The following KCNIP4 variants were observed in gnomAD, a reference collection of about 807,000 sequenced individuals.
The protein encoded by KCNIP4 is potassium voltage-gated channel interacting protein 4.
A neutral mutation model predicts 34.0 loss-of-function variants in KCNIP4; 12 were observed. The ratio of observed to expected loss-of-function variants is 0.35; its 90% CI spans 0.23 to 0.57. The LOEUF is 0.57. Among genes scored for constraint, KCNIP4 ranks in the 20% least tolerant of loss-of-function variants. KCNIP4 has a pLI of 0.83. For missense variants in KCNIP4, 238 were observed against 311.7 expected (o/e 0.76, Z 1.78); for synonymous variants, 124 against 102.2 (o/e 1.21, Z -1.29).
Position 21,778,224 on chromosome 4 carries a change from C to CTTTTTTTTTTTTTTTTTTTTTTTTTT in KCNIP4, c.61+170346_61+170347insAAAAAAAAAAAAAAAAAAAAAAAAAA, listed in dbSNP as rs757351209. On this transcript the variant is annotated intron_variant, in intron 1 of 8. Coordinates refer to ENST00000382152, the MANE Select transcript of KCNIP4 (RefSeq NM_025221.6). ...TTATTTGTTTCTTTTTCCTTTTTTCCTTTTTTTTTTTCTTTTTTTTTTTTT... is the reference window on the plus strand; with the variant it reads ...TTATTTGTTTCTTTTTCCTTTTTTCCTTTTTTTTTTTTTTTTTTTTTTTTTTTTTTTTTTTTTCTTTTTTTTTTTTT... 3.9e-5 allele frequency among the ~76,000 whole-genome samples: 4 copies of CTTTTTTTTTTTTTTTTTTTTTTTTTT among 102,390 alleles called. 1 individual carries two copies. The highest frequency in any genetic ancestry group is 2.3e-4 in the East Asian group (1 of 4,410). 67.2% of individuals were successfully genotyped at this position (102,390 alleles called of 152,430 possible). A position where few individuals can be genotyped will look rare whatever the true frequency, so the allele number is the denominator to read the frequency against.
intron 1 of KCNIP4, among the ~76,000 whole-genome samples, chr4:21,278,001 C>T (rs753448652): frequency 4.6e-5 from 7 of 151,910 alleles, no homozygotes; most frequent in African/African-American, 1.5e-4. Context: ...TTTAAAAAAT[C>T]GGAAGAAAAC....
At chr4:20,743,300 C>T (rs1751615623) in intron 5 of KCNIP4, among the ~76,000 whole-genome samples, 1 of 152,136 alleles carries the variant, frequency 6.6e-6, no homozygotes, top group Non-Finnish European at 1.5e-5. Flanking sequence ...AAAACAGAGC[C>T]CACATTGCCA....
chr4:21,477,991 G>T (rs1331840032), intron 1 of KCNIP4, among the ~76,000 whole-genome samples: 2 of 152,108 alleles, frequency 1.3e-5, no homozygotes, highest in African/African-American at 4.8e-5. Flanking sequence ...TATCTTCAAT[G>T]TATCTAGCCT....
In KCNIP4 at chr4:21,252,189, G is replaced by A. The variant is rs537629664; in HGVS notation, c.62-369480C>T. Among the ~76,000 whole-genome samples the A allele has an allele frequency of 1.5e-4, 22 of 148,652 alleles. 1 individual carries two copies. Among genetic ancestry groups the A allele is most frequent in the South Asian group, 4.3e-4 (2 of 4,676 alleles). On this transcript the variant is annotated intron_variant, in intron 1 of 8. Coordinates refer to ENST00000382152, the MANE Select transcript of KCNIP4 (RefSeq NM_025221.6). ...TGTTGCCAGGCTGGAGTGCAGTGGC[G>A]CAATCTCGGCTCACTGCAATCTCCG...
chr4:20,823,221 G>T (rs1277876556), intron 3 of KCNIP4, among the ~76,000 whole-genome samples: 2 of 152,160 alleles, frequency 1.3e-5, no homozygotes, highest in Non-Finnish European at 2.9e-5. Context: ...CTGTATGACT[G>T]GCGCATAGAA....
At chr4:21,357,009 AC>A (rs201619093) in intron 1 of KCNIP4, among the ~76,000 whole-genome samples, 1,600 of 152,090 alleles carry the variant, frequency 0.011, 28 homozygotes, top group African/African-American at 0.037. Flanking sequence ...CAGAAATAAC[AC>A]CACACATCTA....
chr4:21,342,207 G>A (rs1716825814), intron 1 of KCNIP4, among the ~76,000 whole-genome samples: 1 of 151,060 alleles, frequency 6.6e-6, no homozygotes, highest in South Asian at 2.1e-4. Context: ...GGATTCACCA[G>A]GACAGACCCA....
chr4:21,512,035 G>A (rs1029740547), intron 1 of KCNIP4, among the ~76,000 whole-genome samples: 2 of 149,996 alleles, frequency 1.3e-5, no homozygotes, highest in African/African-American at 2.5e-5. Context: ...GGAAGAGAAG[G>A]AAGGAGGGAA....
chr4:21,741,057 G>A (rs2109128256), intron 1 of KCNIP4, among the ~76,000 whole-genome samples: 1 of 152,086 alleles, frequency 6.6e-6, no homozygotes, highest in Non-Finnish European at 1.5e-5. Flanking sequence ...GCCCATGGTG[G>A]GCTTATTTTA....
chr4:20,913,167 G>T (rs1303789811), intron 1 of KCNIP4, among the ~76,000 whole-genome samples: 7 of 151,976 alleles, frequency 4.6e-5, no homozygotes, highest in East Asian at 1.9e-4. Flanking sequence ...ACAAAAGGTG[G>T]TTTTTTTCAG....
intron 3 of KCNIP4, among the ~76,000 whole-genome samples, chr4:20,823,061 A>C (rs1410497835): frequency 1.3e-5 from 2 of 152,172 alleles, no homozygotes; most frequent in African/African-American, 2.4e-5. Flanking sequence ...TCAACTTCCC[A>C]GCCTCTAGAA....
chr4:21,873,007 G>T (rs1386670376), intron 1 of KCNIP4, among the ~76,000 whole-genome samples: 2 of 152,112 alleles, frequency 1.3e-5, no homozygotes, highest in African/African-American at 4.8e-5. Context: ...CAATATTCAT[G>T]TATAGATTCA....
intron 1 of KCNIP4, among the ~76,000 whole-genome samples, chr4:21,685,146 A>G (rs1390058781): frequency 6.6e-6 from 1 of 152,190 alleles, no homozygotes; most frequent in Admixed American, 6.5e-5. Context: ...CCTAATTTTG[A>G]ACATTTTAAA....
chr4:21,948,502 C>A, intron 1 of KCNIP4, 69 bp downstream of exon 1: 1 of 1,528,942 alleles, frequency 6.5e-7, no homozygotes, highest in Non-Finnish European at 8.9e-7. Flanking sequence ...AGGGAAGGGG[C>A]AGCCGTCTTG....
At chr4:21,656,783 C>T (rs1301033254) in intron 1 of KCNIP4, 1 of 152,212 alleles carries the variant, frequency 6.6e-6, no homozygotes, top group Non-Finnish European at 1.5e-5. Context: ...CATGGATGCA[C>T]CTCTAAATAT....
chr4:21,106,573 A>G (rs370926930), intron 1 of KCNIP4, among the ~76,000 whole-genome samples: 42,315 of 150,734 alleles, frequency 0.28, 6,749 homozygotes, highest in African/African-American at 0.41. Flanking sequence ...AATTTTTTGA[A>G]GGGTTTTTTG....
chr4:20,986,191 AG>A (rs917675447), intron 1 of KCNIP4, among the ~76,000 whole-genome samples: 3 of 152,162 alleles, frequency 2.0e-5, no homozygotes, highest in Admixed American at 2.0e-4. Context: ...GTCTAGTTTC[AG>A]CGTTTTTCCC....
At chr4:21,856,089 T>G (rs1293844068) in intron 1 of KCNIP4, among the ~76,000 whole-genome samples, 5 of 152,216 alleles carry the variant, frequency 3.3e-5, no homozygotes, top group Non-Finnish European at 7.4e-5. Flanking sequence ...GCTGTTCCTG[T>G]TGCCATGGTC....
intron 1 of KCNIP4, among the ~76,000 whole-genome samples, chr4:20,982,972 T>A (rs933809118): frequency 6.6e-6 from 1 of 152,244 alleles, no homozygotes; most frequent in African/African-American, 2.4e-5. Flanking sequence ...GCATGTAGAA[T>A]TGATATCAAA....
Sources: allele counts gnomAD v4.1 joint callset (sites outside exome capture counted in the v4.1 genomes callset), GRCh38; gene constraint gnomAD v4.1.1; transcripts MANE v1.5; gene names NCBI Gene and HGNC (gene_info 2026-07-23, HGNC 2026-07-21).